THADA: variants seen among roughly 807,000 people sequenced by gnomAD.
THADA encodes the protein THADA armadillo repeat containing, also known as tRNA (32-2'-O)-methyltransferase regulator THADA.
A neutral mutation model predicts 219.8 loss-of-function variants in THADA; 213 were observed. The ratio of observed to expected loss-of-function variants is 0.97; its 90% CI spans 0.87 to 1.09. The LOEUF (loss-of-function observed/expected upper bound fraction) is 1.09. THADA is among the 50% of genes least tolerant of loss of function. The pLI, the probability that THADA is intolerant of heterozygous loss-of-function variation, is 0.00. For synonymous variants in THADA, 1,018 were observed against 828.9 expected (o/e 1.23, Z -3.92); for missense variants, 2,956 against 2,311.3 (o/e 1.28, Z -5.72).
intron 26 of THADA, among the ~76,000 whole-genome samples, chr2:43,440,014 T>C (rs1307610694): frequency 6.6e-6 from 1 of 152,226 alleles, no homozygotes. Flanking sequence ...TCCTTTTTTA[T>C]TTATTAGATA....
At chr2:43,441,084 G>C (rs2104859668) in intron 26 of THADA, among the ~76,000 whole-genome samples, 1 of 152,308 alleles carries the variant, frequency 6.6e-6, no homozygotes, top group Admixed American at 6.5e-5. Flanking sequence ...CTTTTCAAAA[G>C]TATACTGTTA....
At chr2:43,461,721 C>T (rs756142558) in intron 26 of THADA, among the ~76,000 whole-genome samples, 54 of 152,230 alleles carry the variant, frequency 3.5e-4, no homozygotes, top group Non-Finnish European at 6.0e-4. Flanking sequence ...GGCAGTTTCT[C>T]CCCTAGTATC....
At chr2:43,337,307 T>C (rs1277024234) in intron 30 of THADA, among the ~76,000 whole-genome samples, 1 of 152,226 alleles carries the variant, frequency 6.6e-6, no homozygotes, top group Non-Finnish European at 1.5e-5. Flanking sequence ...CCCGTTTGAC[T>C]TATCTGTTAA....
At chr2:43,497,679 G>A (rs1442113599) in intron 25 of THADA, among the ~76,000 whole-genome samples, 1 of 152,212 alleles carries the variant, frequency 6.6e-6, no homozygotes, top group East Asian at 1.9e-4. Context: ...GAGGTCAGGA[G>A]TTCGAGACCA....
At chr2:43,238,479 A>G (rs1278765737) in intron 36 of THADA, among the ~76,000 whole-genome samples, 2 of 152,196 alleles carry the variant, frequency 1.3e-5, no homozygotes, top group African/African-American at 4.8e-5. Context: ...AGTTTTGGCA[A>G]AGATGTGGAG....
intron 36 of THADA, among the ~76,000 whole-genome samples, chr2:43,252,120 C>A (rs1035724951): frequency 1.3e-5 from 2 of 152,182 alleles, no homozygotes; most frequent in African/African-American, 2.4e-5. Context: ...ACAGACCTGG[C>A]CTTCTTCAAT....
intron 26 of THADA, among the ~76,000 whole-genome samples, chr2:43,443,892 G>C (rs936146386): frequency 6.6e-6 from 1 of 152,228 alleles, no homozygotes; most frequent in Non-Finnish European, 1.5e-5. Context: ...GAGAGCAAGA[G>C]TGGCGGTAAC....
chr2:43,485,322 G>T lies in THADA; in HGVS notation c.3748C>A (p.Arg1250=), dbSNP rs762684727. ...CTAAAGAGAAGTGTGGATGAATTTC[G>T]CACCTAATGTACAAACGAAAACACA... ...LGFTSPVWAV[R]NSSTLLFSAL... Residue 1250 remains arginine, a synonymous_variant, in exon 26 of 38, where the codon CGA becomes AGA. Coordinates refer to ENST00000405975, the MANE Select transcript of THADA (RefSeq NM_022065.5). The T allele has an allele frequency of 6.2e-7, 1 of 1,610,690 alleles. No individual in the cohort carries two copies. The highest frequency in any genetic ancestry group is 2.2e-5 in the East Asian group (1 of 44,740).
intron 35 of THADA, among the ~76,000 whole-genome samples, chr2:43,285,154 C>T (rs534683855): frequency 6.6e-6 from 1 of 152,272 alleles, no homozygotes; most frequent in East Asian, 1.9e-4. Flanking sequence ...TGAGCTGAAC[C>T]TGGAGGACTG....
intron 16 of THADA, among the ~76,000 whole-genome samples, 151 bp from the exon 17 acceptor site, chr2:43,556,706 C>T (rs1245312094): frequency 3.3e-5 from 5 of 152,084 alleles, no homozygotes; most frequent in South Asian, 2.1e-4. Flanking sequence ...AGGAGGATTA[C>T]TTGAGGCCAG....
intron 12 of THADA, 45 bp from the exon 13 acceptor site, chr2:43,571,907 G>GCA (rs1699348597): frequency 2.5e-6 from 4 of 1,587,344 alleles, no homozygotes; most frequent in Non-Finnish European, 3.4e-6. Context: ...CAAGAAATAA[G>GCA]CAAAGCCTAA....
intron 1 of THADA, among the ~76,000 whole-genome samples, chr2:43,593,974 C>G (rs1191880555): frequency 6.6e-6 from 1 of 152,126 alleles, no homozygotes; most frequent in Non-Finnish European, 1.5e-5. Context: ...AAAGTCAGTA[C>G]AAGCTACAGG....
chr2:43,475,146 G>C (rs190501879), intron 26 of THADA, among the ~76,000 whole-genome samples: 16 of 152,270 alleles, frequency 1.1e-4, no homozygotes, highest in Admixed American at 2.6e-4. Flanking sequence ...GCTGGGCATG[G>C]TGGCTCACAC....
At chr2:43,511,555 C>T (rs543958323) in intron 22 of THADA, among the ~76,000 whole-genome samples, 1 of 152,240 alleles carries the variant, frequency 6.6e-6, no homozygotes, top group African/African-American at 2.4e-5. Context: ...TGGACCCAAC[C>T]CTCCTACTTA....
chr2:43,522,702 A>G (rs1026351276), intron 22 of THADA, among the ~76,000 whole-genome samples: 1 of 152,166 alleles, frequency 6.6e-6, no homozygotes, highest in Non-Finnish European at 1.5e-5. Flanking sequence ...TATCTGACTC[A>G]ACTATTACAG....
At chr2:43,514,547 A>T (rs1259731204) in intron 22 of THADA, among the ~76,000 whole-genome samples, 1 of 131,864 alleles carries the variant, frequency 7.6e-6, no homozygotes, top group Non-Finnish European at 1.5e-5. Flanking sequence ...TATATTTTAT[A>T]CACAATATAA....
intron 26 of THADA, among the ~76,000 whole-genome samples, chr2:43,439,117 A>G (rs946204572): frequency 1.3e-5 from 2 of 152,206 alleles, no homozygotes; most frequent in Non-Finnish European, 2.9e-5. Flanking sequence ...AAATCACAGA[A>G]AGCGAAACCA....
In THADA at chr2:43,252,067, T is replaced by C. The variant is rs554213096; in HGVS notation, c.5297-19185A>G. Among the ~76,000 whole-genome samples the C allele has an allele frequency of 9.2e-5, 14 of 152,230 alleles. No individual in the cohort carries two copies. In the South Asian group the frequency reaches 2.9e-3, roughly 32 times the overall value. The stretch of plus-strand genomic sequence containing the variant: ...TCCCCCTGCCATTCCCCACAATCTC[T>C]CTTTTGAAGTCCATACTAACCATCT... On this transcript the variant is annotated intron_variant, in intron 36 of 37. Coordinates refer to ENST00000405975, the MANE Select transcript of THADA (RefSeq NM_022065.5).
intron 22 of THADA, among the ~76,000 whole-genome samples, chr2:43,518,991 A>G (rs1219400310): frequency 6.6e-6 from 1 of 151,902 alleles, no homozygotes; most frequent in African/African-American, 2.4e-5. Flanking sequence ...TTAACTCAGC[A>G]TGTTTAAAGC....
Sources: allele counts gnomAD v4.1 joint callset (sites outside exome capture counted in the v4.1 genomes callset), GRCh38; gene constraint gnomAD v4.1.1; transcripts MANE v1.5; gene names NCBI Gene and HGNC (gene_info 2026-07-23, HGNC 2026-07-21).